Variants in SSBP2 observed in about 807,000 individuals in gnomAD.
SSBP2 encodes single-stranded DNA-binding protein 2.
SSBP2 carries 17 observed loss-of-function variants against 61.8 expected under a neutral mutation model. The ratio of observed to expected loss-of-function variants is 0.28; its 90% CI spans 0.19 to 0.41. The LOEUF is 0.41. Ranked by LOEUF, SSBP2 falls within the 10% of genes least tolerant of loss-of-function variation. The probability of loss-of-function intolerance (pLI) is 1.00; values close to 1 mark genes in which losing one functional copy is unlikely to be tolerated. For synonymous variants in SSBP2, 139 were observed against 141.3 expected, an observed-to-expected ratio of 0.98 and a Z score of 0.12; for missense variants, 310 against 458.7, an observed-to-expected ratio of 0.68 and a Z score of 2.96.
intron 3 of SSBP2, among the ~76,000 whole-genome samples, chr5:81,628,366 G>A (rs1049297509): frequency 1.4e-4 from 21 of 152,154 alleles, no homozygotes; most frequent in Non-Finnish European, 1.9e-4. Flanking sequence ...CCCACCACAC[G>A]TGGGGATTAT....
chr5:81,612,814 G>C (rs565344213), intron 4 of SSBP2, among the ~76,000 whole-genome samples: 2 of 152,010 alleles, frequency 1.3e-5, no homozygotes, highest in African/African-American at 4.8e-5. Context: ...CATTATAGAA[G>C]TAATTCTGTA....
intron 6 of SSBP2, among the ~76,000 whole-genome samples, chr5:81,488,480 A>G (rs1286742647): frequency 6.6e-6 from 1 of 151,988 alleles, no homozygotes; most frequent in African/African-American, 2.4e-5. Context: ...AGTGATATTG[A>G]GCACCTTTTC....
At chr5:81,492,999 A>G (rs992730576) in intron 5 of SSBP2, among the ~76,000 whole-genome samples, 1 of 152,052 alleles carries the variant, frequency 6.6e-6, no homozygotes, top group Non-Finnish European at 1.5e-5. Context: ...TTCCTAAGGC[A>G]CAAACCATTT....
At chr5:81,695,957 G>C (rs1753573146) in intron 1 of SSBP2, among the ~76,000 whole-genome samples, 1 of 152,064 alleles carries the variant, frequency 6.6e-6, no homozygotes, top group Admixed American at 6.5e-5. Flanking sequence ...ACTGATCCAT[G>C]TGCTCTATAG....
chr5:81,690,650 T>C (rs978911584), intron 1 of SSBP2, among the ~76,000 whole-genome samples: 1 of 152,112 alleles, frequency 6.6e-6, no homozygotes, highest in Non-Finnish European at 1.5e-5. Flanking sequence ...ACAACCCTCT[T>C]TGAGCATTTG....
chr5:81,534,477 G>T (rs1161411715), intron 4 of SSBP2, among the ~76,000 whole-genome samples: 1 of 152,028 alleles, frequency 6.6e-6, no homozygotes, highest in Non-Finnish European at 1.5e-5. Flanking sequence ...CAAACAAAAT[G>T]CAAGAACATA....
chr5:81,469,786 A>G (rs1228335345), intron 8 of SSBP2, among the ~76,000 whole-genome samples: 1 of 151,994 alleles, frequency 6.6e-6, no homozygotes, highest in Non-Finnish European at 1.5e-5. Flanking sequence ...AAAAGAAAGA[A>G]TAACAACTTG....
chr5:81,658,271 A>G (rs1750397069), intron 1 of SSBP2, among the ~76,000 whole-genome samples: 2 of 152,078 alleles, frequency 1.3e-5, no homozygotes, highest in Admixed American at 1.3e-4. Context: ...TATGGCTTCA[A>G]TGTTTTTAGA....
At chr5:81,672,922 T>C (rs555075963) in intron 1 of SSBP2, among the ~76,000 whole-genome samples, 2 of 151,270 alleles carry the variant, frequency 1.3e-5, no homozygotes, top group Admixed American at 1.3e-4. Flanking sequence ...AGGCAACCTC[T>C]GCCTCCCAGG....
At chr5:81,564,972 T>G (rs1033884710) in intron 4 of SSBP2, among the ~76,000 whole-genome samples, 1 of 152,188 alleles carries the variant, frequency 6.6e-6, no homozygotes, top group Admixed American at 6.5e-5. Flanking sequence ...AGCAATACCA[T>G]GGCCTTGCAA....
At chr5:81,611,280 T>C (rs959519844) in intron 4 of SSBP2, among the ~76,000 whole-genome samples, 5 of 152,184 alleles carry the variant, frequency 3.3e-5, no homozygotes, top group African/African-American at 7.2e-5. Context: ...TGCTAATGAT[T>C]TTTTGTTTCT....
chr5:81,613,615 A>G (rs955592593), intron 4 of SSBP2, among the ~76,000 whole-genome samples: 2 of 152,196 alleles, frequency 1.3e-5, no homozygotes, highest in Admixed American at 6.5e-5. Context: ...TTATATGATT[A>G]ATTTCTTAAA....
intron 3 of SSBP2, among the ~76,000 whole-genome samples, chr5:81,626,385 A>G (rs1747145574): frequency 6.6e-6 from 1 of 152,238 alleles, no homozygotes; most frequent in Non-Finnish European, 1.5e-5. Flanking sequence ...AGATGAAGGA[A>G]CTGAAGCTTA....
chr5:81,513,728 T>C lies in SSBP2; in HGVS notation c.283-11A>G, dbSNP rs1580884779. The C allele has an allele frequency of 6.3e-7, 1 of 1,595,936 alleles. No homozygotes were observed. Among genetic ancestry groups the C allele is most frequent in the Non-Finnish European group, 8.6e-7 (1 of 1,165,822 alleles). On this transcript the variant is annotated splice_polypyrimidine_tract_variant and intron_variant, in intron 4 of 16. Transcript: ENST00000320672. ...AGCTGCTGCAGCACTCTGCAAAGAA[T>C]AAAGGAGAAACAAACCTATATCATT...
intron 9 of SSBP2, among the ~76,000 whole-genome samples, chr5:81,463,683 A>G (rs778591138): frequency 8.6e-5 from 13 of 152,008 alleles, no homozygotes; most frequent in Non-Finnish European, 1.3e-4. Flanking sequence ...CTGGGTGCAG[A>G]AGTCTGCATT....
At chr5:81,488,039 A>AATATAT (rs1766538984) in intron 6 of SSBP2, among the ~76,000 whole-genome samples, 2 of 37,134 alleles carry the variant, frequency 5.4e-5, no homozygotes, top group South Asian at 1.1e-3. Flanking sequence ...ATATATATAT[A>AATATAT]TATATATATA....
rs539091926 is a variant in SSBP2, at chr5:81,419,478, G to C, written c.*1026C>G. 9.9e-5 allele frequency: 15 copies of C among 152,152 alleles called. No individual in the cohort carries two copies. Among genetic ancestry groups the C allele is most frequent in the Non-Finnish European group, 1.8e-4 (12 of 68,040 alleles). 9.4% of individuals were successfully genotyped at this position (152,152 alleles called of 1,614,324 possible). ...ATAAGAATATGCTCACAAAAAGTCT[G>C]AATAAAAACCAGATACCATTTCACA... On this transcript the variant is annotated 3_prime_UTR_variant, in exon 17 of 17. Coordinates refer to ENST00000320672, the MANE Select transcript of SSBP2 (RefSeq NM_012446.5).
At chr5:81,483,514 G>C (rs543957130) in intron 6 of SSBP2, among the ~76,000 whole-genome samples, 1 of 151,936 alleles carries the variant, frequency 6.6e-6, no homozygotes, top group Non-Finnish European at 1.5e-5. Flanking sequence ...AGAACTAGAA[G>C]AGCCTTTAGA....
chr5:81,531,108 C>T (rs566486001), intron 4 of SSBP2, among the ~76,000 whole-genome samples: 6 of 151,124 alleles, frequency 4.0e-5, no homozygotes, highest in African/African-American at 4.9e-5. Flanking sequence ...CATGGTGGTG[C>T]ATGCCTATAG....
Sources: gnomAD v4.1 joint callset for allele counts (sites outside exome capture counted in the v4.1 genomes callset) on GRCh38, gnomAD v4.1.1 for gene constraint, MANE v1.5 for transcripts, NCBI Gene and HGNC (gene_info 2026-07-23, HGNC 2026-07-21) for gene names.